Variants in EBF1 observed in about 807,000 individuals in gnomAD.
EBF1 encodes the protein EBF transcription factor 1.
EBF1 carries 10 observed loss-of-function variants against 68.4 expected under a neutral mutation model. That is an observed-to-expected ratio of 0.15 (90% CI 0.09 to 0.25). The LOEUF is 0.25. Ranked by LOEUF, EBF1 falls within the 10% of genes least tolerant of loss-of-function variation. The pLI is 1.00. For synonymous variants in EBF1, 298 were observed against 299.8 expected (o/e 0.99, Z 0.06); for missense variants, 509 against 794.4 (o/e 0.64, Z 4.32).
chr5:158,713,955 A>G (rs1311818250), intron 12 of EBF1, among the ~76,000 whole-genome samples, 162 bp downstream of exon 12: 1 of 152,248 alleles, frequency 6.6e-6, no homozygotes, highest in Non-Finnish European at 1.5e-5. Context: ...GGTTTACAAA[A>G]GAGGATTGAA....
chr5:158,804,767 C>T (rs1320756519), intron 8 of EBF1, among the ~76,000 whole-genome samples: 1 of 152,072 alleles, frequency 6.6e-6, no homozygotes, highest in Non-Finnish European at 1.5e-5. Context: ...TCTGCCAAAT[C>T]CAAAATTAAA....
At chr5:158,952,839 A>C (rs1327333101) in intron 6 of EBF1, among the ~76,000 whole-genome samples, 2 of 152,230 alleles carry the variant, frequency 1.3e-5, no homozygotes, top group Admixed American at 1.3e-4. Context: ...ATATCTGAAA[A>C]CTGCGGCTAG....
intron 6 of EBF1, among the ~76,000 whole-genome samples, chr5:158,974,389 G>A (rs142643592): frequency 2.6e-4 from 39 of 152,242 alleles, no homozygotes; most frequent in African/African-American, 8.9e-4. Flanking sequence ...CACTTGAGAG[G>A]CATTGCAAAA....
chr5:158,776,692 G>A (rs565514346), intron 10 of EBF1, among the ~76,000 whole-genome samples: 2 of 152,280 alleles, frequency 1.3e-5, no homozygotes, highest in African/African-American at 4.8e-5. Context: ...GATTGCTTAA[G>A]AAACAGGATC....
At chr5:159,004,246 C>T (rs149571411) in intron 6 of EBF1, among the ~76,000 whole-genome samples, 51 of 150,538 alleles carry the variant, frequency 3.4e-4, no homozygotes, top group African/African-American at 1.2e-3. Flanking sequence ...ACTGCTCTCC[C>T]GCCTGGGTGA....
chr5:158,769,027 T>C (rs1428144702), intron 10 of EBF1, among the ~76,000 whole-genome samples: 1 of 152,168 alleles, frequency 6.6e-6, no homozygotes, highest in Non-Finnish European at 1.5e-5. Context: ...TTAATAGCTT[T>C]CTAATCCCTT....
At chr5:158,892,621 T>C (rs1388026678) in intron 6 of EBF1, among the ~76,000 whole-genome samples, 1 of 152,194 alleles carries the variant, frequency 6.6e-6, no homozygotes, top group Non-Finnish European at 1.5e-5. Context: ...ATCTAATATA[T>C]TGTATAAAAT....
intron 6 of EBF1, among the ~76,000 whole-genome samples, chr5:158,919,840 A>G (rs1216460369): frequency 6.6e-6 from 1 of 152,202 alleles, no homozygotes; most frequent in African/African-American, 2.4e-5. Context: ...TAGGAATCTG[A>G]AGTTTATCAA....
At chr5:158,737,328 G>C (rs1765424048) in intron 10 of EBF1, among the ~76,000 whole-genome samples, 1 of 131,366 alleles carries the variant, frequency 7.6e-6, no homozygotes, top group Non-Finnish European at 1.5e-5. Context: ...CCGTCGCCCA[G>C]GGTGGAGTGC....
intron 9 of EBF1, among the ~76,000 whole-genome samples, chr5:158,783,679 C>T (rs1427853106): frequency 6.6e-6 from 1 of 152,146 alleles, no homozygotes; most frequent in Non-Finnish European, 1.5e-5. Context: ...TGGGGGTTAG[C>T]CAGGCGAGAT....
chr5:158,903,365 G>A (rs1026571078), intron 6 of EBF1, among the ~76,000 whole-genome samples: 4 of 151,894 alleles, frequency 2.6e-5, no homozygotes, highest in African/African-American at 7.3e-5. Flanking sequence ...GGTCAGGAAC[G>A]TGCCCTTATC....
intron 6 of EBF1, among the ~76,000 whole-genome samples, chr5:159,019,305 T>A (rs1766215099): frequency 6.6e-6 from 1 of 152,236 alleles, no homozygotes; most frequent in Non-Finnish European, 1.5e-5. Flanking sequence ...CAGGAGAATA[T>A]TTAAACTAAG....
chr5:158,899,140 G>A (rs1420279821), intron 6 of EBF1, among the ~76,000 whole-genome samples: 1 of 152,142 alleles, frequency 6.6e-6, no homozygotes, highest in East Asian at 1.9e-4. Flanking sequence ...ATTCCAACAG[G>A]TGCCATTTTA....
chr5:158,942,508 G>A (rs563458829), intron 6 of EBF1, among the ~76,000 whole-genome samples: 3 of 152,342 alleles, frequency 2.0e-5, no homozygotes, highest in East Asian at 1.9e-4. Flanking sequence ...CTCAACAAAT[G>A]AGAGTCCTTA....
At chr5:158,876,376 A>G (rs1797817131) in intron 6 of EBF1, among the ~76,000 whole-genome samples, 1 of 152,074 alleles carries the variant, frequency 6.6e-6, no homozygotes, top group Non-Finnish European at 1.5e-5. Context: ...TTTTCCCTCT[A>G]GTGTACTCTT....
intron 6 of EBF1, among the ~76,000 whole-genome samples, chr5:158,856,724 C>T (rs757171509): frequency 6.6e-6 from 1 of 152,190 alleles, no homozygotes; most frequent in Non-Finnish European, 1.5e-5. Flanking sequence ...AGGTAAGAAA[C>T]CAGCTGAATC....
At chr5:158,774,827 C>T (rs1363151228) in intron 10 of EBF1, among the ~76,000 whole-genome samples, 2 of 152,060 alleles carry the variant, frequency 1.3e-5, no homozygotes, top group African/African-American at 4.8e-5. Flanking sequence ...GTGTAGGTCA[C>T]CAATGAACAC....
At chr5:158,757,616 C>G (rs1209937832) in intron 10 of EBF1, among the ~76,000 whole-genome samples, 2 of 152,146 alleles carry the variant, frequency 1.3e-5, no homozygotes, top group African/African-American at 4.8e-5. Flanking sequence ...GCACAAGAGC[C>G]TGGACTCTGA....
At chr5:158,942,205 C>T (rs571034398) in intron 6 of EBF1, among the ~76,000 whole-genome samples, 3 of 151,922 alleles carry the variant, frequency 2.0e-5, no homozygotes, top group Admixed American at 1.3e-4. Flanking sequence ...GAAGCAGTGT[C>T]CTAAGATATC....
Sources: gnomAD v4.1 joint callset for allele counts (sites outside exome capture counted in the v4.1 genomes callset) on GRCh38, gnomAD v4.1.1 for gene constraint, MANE v1.5 for transcripts, NCBI Gene and HGNC (gene_info 2026-07-23, HGNC 2026-07-21) for gene names.